The following ARHGAP24 variants were observed in gnomAD, a reference collection of about 807,000 sequenced individuals.
The protein encoded by ARHGAP24 is rho GTPase-activating protein 24.
ARHGAP24 carries 50 observed loss-of-function variants against 76.4 expected under a neutral mutation model. The ratio of observed to expected loss-of-function variants is 0.65; its 90% CI spans 0.52 to 0.83. The LOEUF (loss-of-function observed/expected upper bound fraction) is 0.83, where lower values mean the gene tolerates loss of function less well. Among genes scored for constraint, ARHGAP24 ranks in the 40% least tolerant of loss-of-function variants. The pLI is 0.00. For missense variants in ARHGAP24, 930 were observed against 914.2 expected (o/e 1.02, Z -0.22); for synonymous variants, 345 against 323.3 (o/e 1.07, Z -0.72).
chr4:85,760,899 G>A (rs949920465), intron 3 of ARHGAP24, among the ~76,000 whole-genome samples: 2 of 152,180 alleles, frequency 1.3e-5, no homozygotes, highest in Non-Finnish European at 1.5e-5. Flanking sequence ...ATGCACATGT[G>A]TTATGTTCCA....
At chr4:85,554,217 T>C (rs1726259352) in intron 1 of ARHGAP24, among the ~76,000 whole-genome samples, 1 of 152,210 alleles carries the variant, frequency 6.6e-6, no homozygotes, top group Non-Finnish European at 1.5e-5. Context: ...CTATGCCTTC[T>C]CTCTAGCTGC....
At chr4:85,929,198 C>A (rs1208442944) in intron 4 of ARHGAP24, among the ~76,000 whole-genome samples, 2 of 152,186 alleles carry the variant, frequency 1.3e-5, no homozygotes, top group Non-Finnish European at 2.9e-5. Context: ...CTGAGTTACA[C>A]TTTGTGGTTC....
intron 3 of ARHGAP24, among the ~76,000 whole-genome samples, chr4:85,784,898 TA>T (rs2110088381): frequency 6.7e-6 from 1 of 149,784 alleles, no homozygotes; most frequent in South Asian, 2.1e-4. Flanking sequence ...TGAAGATGAT[TA>T]TATATCTCTA....
intron 2 of ARHGAP24, among the ~76,000 whole-genome samples, chr4:85,661,709 T>A (rs1037846234): frequency 2.0e-5 from 3 of 147,198 alleles, no homozygotes; most frequent in Non-Finnish European, 4.5e-5. Context: ...GATGTTCCCC[T>A]TCCTGTGTCC....
At chr4:85,518,537 T>C (rs1392989830) in intron 1 of ARHGAP24, among the ~76,000 whole-genome samples, 2 of 151,982 alleles carry the variant, frequency 1.3e-5, no homozygotes, top group Non-Finnish European at 2.9e-5. Context: ...TCCCCCCAAG[T>C]TTCCAAAGTT....
chr4:85,492,573 G>A (rs534841921), intron 1 of ARHGAP24, among the ~76,000 whole-genome samples: 2 of 152,230 alleles, frequency 1.3e-5, no homozygotes, highest in South Asian at 4.2e-4. Context: ...TTTAAATGGG[G>A]ATAATTGCCA....
chr4:85,995,861 T>C (rs1025392935), intron 9 of ARHGAP24, among the ~76,000 whole-genome samples: 28 of 152,172 alleles, frequency 1.8e-4, no homozygotes, highest in African/African-American at 6.8e-4. Context: ...ATTTAAATAC[T>C]AGTAGTATCT....
chr4:85,679,784 A>G (rs1723132683), intron 2 of ARHGAP24, among the ~76,000 whole-genome samples: 1 of 152,148 alleles, frequency 6.6e-6, no homozygotes, highest in Non-Finnish European at 1.5e-5. Flanking sequence ...GGTCAGATAC[A>G]GACATTTTCC....
At chr4:85,969,296 T>C (rs1738819410) in intron 5 of ARHGAP24, among the ~76,000 whole-genome samples, 1 of 152,136 alleles carries the variant, frequency 6.6e-6, no homozygotes, top group Non-Finnish European at 1.5e-5. Context: ...ATAGTCAATG[T>C]AATAAATAGA....
chr4:85,993,300 C>G (rs1292843266), intron 8 of ARHGAP24, among the ~76,000 whole-genome samples: 1 of 152,266 alleles, frequency 6.6e-6, no homozygotes, highest in South Asian at 2.1e-4. Context: ...TCTCATGTCC[C>G]ACCCAATGCC....
chr4:85,880,302 G>A (rs1471289656), intron 3 of ARHGAP24, among the ~76,000 whole-genome samples: 3 of 152,120 alleles, frequency 2.0e-5, no homozygotes, highest in African/African-American at 4.8e-5. Context: ...GAATGGCACA[G>A]GCATTACAAC....
intron 3 of ARHGAP24, among the ~76,000 whole-genome samples, chr4:85,764,576 GCT>G (rs1242321772): frequency 5.9e-5 from 9 of 152,102 alleles, no homozygotes; most frequent in African/African-American, 9.7e-5. Flanking sequence ...TTAGTGTTGA[GCT>G]GTTTACAGAA....
At chr4:85,580,883 C>T (rs1202756814) in intron 2 of ARHGAP24, among the ~76,000 whole-genome samples, 1 of 152,160 alleles carries the variant, frequency 6.6e-6, no homozygotes, top group East Asian at 1.9e-4. Context: ...AGTACCTCTT[C>T]ATTTTAGCTT....
At chr4:85,957,463 A>T (rs2148838130) in intron 5 of ARHGAP24, among the ~76,000 whole-genome samples, 1 of 152,314 alleles carries the variant, frequency 6.6e-6, no homozygotes, top group Admixed American at 6.5e-5. Context: ...GGAGATTGGC[A>T]TGTGCTGGTA....
rs990328816 is a variant in ARHGAP24, at chr4:85,805,248, C to T, written c.268+83276C>T. The stretch of plus-strand genomic sequence containing the variant: ...TTTGACCAATAATCTCACTGTTTCC[C>T]GCCTCCCAACACCACCCATTCCCCT... On this transcript the variant is annotated intron_variant, in intron 3 of 9. Coordinates refer to ENST00000395184, the MANE Select transcript of ARHGAP24 (RefSeq NM_001025616.3). Among the ~76,000 whole-genome samples the T allele has an allele frequency of 2.6e-5, 4 of 152,060 alleles. No individual in the cohort carries two copies. The South Asian group carries it at 6.2e-4, about 24-fold the overall frequency.
chr4:85,942,966 A>G (rs974696001), intron 5 of ARHGAP24, among the ~76,000 whole-genome samples: 9 of 152,254 alleles, frequency 5.9e-5, no homozygotes, highest in Admixed American at 5.9e-4. Flanking sequence ...GTTGAAAAAT[A>G]CCCTTTTTTC....
intron 3 of ARHGAP24, among the ~76,000 whole-genome samples, chr4:85,736,999 C>T (rs1404384978): frequency 6.6e-6 from 1 of 152,134 alleles, no homozygotes; most frequent in Non-Finnish European, 1.5e-5. Flanking sequence ...TTAGTAACAT[C>T]TTCTCTGTCA....
intron 3 of ARHGAP24, among the ~76,000 whole-genome samples, chr4:85,769,323 A>G (rs950765123): frequency 6.6e-6 from 1 of 152,148 alleles, no homozygotes. Context: ...GTATCATTGC[A>G]CTTGTTTTTC....
At chr4:85,894,971 AAAAAAAAAAAAAAAAAAC>A (rs1734066341) in intron 3 of ARHGAP24, among the ~76,000 whole-genome samples, 1 of 38,388 alleles carries the variant, frequency 2.6e-5, no homozygotes, top group South Asian at 8.9e-4. Context: ...AAAAAAAAAA[AAAAAAAAAAAAAAAAAAC>A]AAAACAAAAA....
Sources: gnomAD v4.1 joint callset for allele counts (sites outside exome capture counted in the v4.1 genomes callset) on GRCh38, gnomAD v4.1.1 for gene constraint, MANE v1.5 for transcripts, NCBI Gene and HGNC (gene_info 2026-07-23, HGNC 2026-07-21) for gene names.